Variants in ZNF532 observed in about 807,000 individuals in gnomAD.
ZNF532 encodes the protein zinc finger protein 532.
A neutral mutation model predicts 89.3 loss-of-function variants in ZNF532; 22 were observed. That is an observed-to-expected ratio of 0.25 (90% CI 0.18 to 0.35). ZNF532 has a LOEUF of 0.35. Among genes scored for constraint, ZNF532 ranks in the 10% least tolerant of loss-of-function variants. ZNF532 has a pLI of 1.00. For missense variants in ZNF532, 1,132 were observed against 1,643.4 expected (o/e 0.69, Z 5.38); for synonymous variants, 606 against 649.6 (o/e 0.93, Z 1.02).
chr18:58,917,068 C>T (rs917042071), intron 2 of ZNF532, among the ~76,000 whole-genome samples: 1 of 152,198 alleles, frequency 6.6e-6, no homozygotes, highest in Non-Finnish European at 1.5e-5. Context: ...AGCTGCTACC[C>T]TCTTCCCTTC....
intron 5 of ZNF532, among the ~76,000 whole-genome samples, chr18:58,940,798 T>C (rs1428013117): frequency 1.3e-5 from 2 of 152,122 alleles, no homozygotes; most frequent in South Asian, 2.1e-4. Flanking sequence ...GGATTAGTTA[T>C]CGCAACATAG....
chr18:58,874,770 CT>C (rs1230334577), intron 2 of ZNF532, among the ~76,000 whole-genome samples: 2 of 152,126 alleles, frequency 1.3e-5, no homozygotes, highest in Non-Finnish European at 2.9e-5. Flanking sequence ...CAAAACAAAA[CT>C]TGATGGTGAA....
chr18:58,971,078 G>A (rs890113697), intron 7 of ZNF532, among the ~76,000 whole-genome samples: 1 of 152,178 alleles, frequency 6.6e-6, no homozygotes, highest in African/African-American at 2.4e-5. Flanking sequence ...TACTTTTTCA[G>A]TTGTACAGTG....
intron 7 of ZNF532, among the ~76,000 whole-genome samples, chr18:58,954,926 G>A (rs2064611686): frequency 6.6e-6 from 1 of 152,058 alleles, no homozygotes; most frequent in Non-Finnish European, 1.5e-5. Context: ...GGTTGGCCAG[G>A]CTGGTCTCGA....
chr18:58,957,111 T>A (rs2147112607), intron 7 of ZNF532, among the ~76,000 whole-genome samples: 1 of 152,318 alleles, frequency 6.6e-6, no homozygotes, highest in South Asian at 2.1e-4. Flanking sequence ...TGTCCTGTGT[T>A]GTAAATACCT....
chr18:58,909,807 G>A (rs2060171406), intron 2 of ZNF532, among the ~76,000 whole-genome samples: 1 of 152,188 alleles, frequency 6.6e-6, no homozygotes, highest in Non-Finnish European at 1.5e-5. Context: ...CACTCAGGGA[G>A]GCGCTATGGC....
At position 58,981,621 on chromosome 18, in the gene ZNF532, T is replaced by TAACA. The variant is rs1393134711; in HGVS notation, c.3411+5_3411+8dup. ...AGAAATAAAAGAAGACACTAAGGTC[T>TAACA]AACATTGCAGATGTTTGCTTTACAG... On this transcript the variant is annotated splice_donor_region_variant and intron_variant, in intron 9 of 9. Coordinates refer to ENST00000591808, the MANE Select transcript of ZNF532 (RefSeq NM_001375912.1). 6.2e-7 allele frequency: 1 copy of TAACA among 1,613,910 alleles called. No individual in the cohort carries two copies. Among genetic ancestry groups the TAACA allele is most frequent in the African/African-American group, 1.3e-5 (1 of 74,948 alleles).
upstream of ZNF532, chr18:58,864,667 G>A: frequency 6.6e-6 from 1 of 152,454 alleles, no homozygotes. Context: ...CGTGGGGTGG[G>A]GGGACACACG....
chr18:58,885,152 C>G (rs565218869), intron 2 of ZNF532, among the ~76,000 whole-genome samples: 1 of 152,032 alleles, frequency 6.6e-6, no homozygotes, highest in Non-Finnish European at 1.5e-5. Context: ...CCACGCCTGG[C>G]TAATTTTTAT....
rs2067759593 is a variant in ZNF532 at position 58,981,465 on chromosome 18, C to T, written c.3264-5C>T. The T allele has an allele frequency of 6.2e-7, 1 of 1,611,568 alleles. No individual in the cohort carries two copies. Among genetic ancestry groups the T allele is most frequent in the African/African-American group, 1.3e-5 (1 of 74,920 alleles). ...TGCGTTATCTCCTTGCCTTTCACCC[C>T]ACAGGCACTGCCCAGACTCCAGACG... On this transcript the variant is annotated splice_polypyrimidine_tract_variant and splice_region_variant and intron_variant, in intron 8 of 9. Coordinates refer to ENST00000591808, the MANE Select transcript of ZNF532 (RefSeq NM_001375912.1).
chr18:58,960,742 T>C (rs1168915995), intron 7 of ZNF532, among the ~76,000 whole-genome samples: 3 of 152,148 alleles, frequency 2.0e-5, no homozygotes, highest in African/African-American at 7.2e-5. Flanking sequence ...GGGTGAAATA[T>C]TGCATGGATA....
intron 3 of ZNF532, among the ~76,000 whole-genome samples, chr18:58,928,226 C>T (rs2061682480): frequency 6.6e-6 from 1 of 152,184 alleles, no homozygotes; most frequent in Admixed American, 6.5e-5. Flanking sequence ...CCTCTCACCA[C>T]CTCCCCTTAC....
chr18:58,939,259 A>AC (rs1185016735), intron 4 of ZNF532, among the ~76,000 whole-genome samples, 186 bp from the exon 5 acceptor site: 1 of 148,474 alleles, frequency 6.7e-6, no homozygotes, highest in Non-Finnish European at 1.5e-5. Flanking sequence ...AAAAAAAAAA[A>AC]AAAAAAAAAA....
chr18:58,940,960 T>A lies in ZNF532; in HGVS notation c.2705+1339T>A, dbSNP rs62095482. On this transcript the variant is annotated intron_variant, in intron 5 of 9. Coordinates refer to ENST00000591808, the MANE Select transcript of ZNF532 (RefSeq NM_001375912.1). Reference sequence around the variant, plus strand: ...CACACACACACACACACACACACACTCTTTCTCTCTCTCTCTCTCTCTCTC... The same window carrying A: ...CACACACACACACACACACACACACACTTTCTCTCTCTCTCTCTCTCTCTC... Among the ~76,000 whole-genome samples, 230 of 45,530 alleles carry A rather than the reference T, an allele frequency of 5.1e-3. 1 individual carries two copies. The highest frequency in any genetic ancestry group is 0.013 in the East Asian group (24 of 1,848). 29.9% of individuals were successfully genotyped at this position (45,530 alleles called of 152,430 possible). A position where few individuals can be genotyped will look rare whatever the true frequency, so the allele number is the denominator to read the frequency against.
intron 3 of ZNF532, among the ~76,000 whole-genome samples, chr18:58,921,419 TA>T (rs1186278677): frequency 2.6e-5 from 4 of 152,240 alleles, no homozygotes; most frequent in Non-Finnish European, 5.9e-5. Context: ...ATGCTGATCT[TA>T]CTTTTACAGT....
chr18:58,946,359 C>T (rs2063661651), intron 5 of ZNF532, among the ~76,000 whole-genome samples: 1 of 144,820 alleles, frequency 6.9e-6, no homozygotes, highest in Non-Finnish European at 1.5e-5. Context: ...GTGGCGTGAT[C>T]TCAGCTCACT....
At chr18:58,971,611 G>A (rs577484211) in intron 7 of ZNF532, among the ~76,000 whole-genome samples, 18 of 152,260 alleles carry the variant, frequency 1.2e-4, no homozygotes, top group African/African-American at 3.9e-4. Context: ...AAAGTTGGTC[G>A]ACTGTTTTAC....
intron 2 of ZNF532, among the ~76,000 whole-genome samples, chr18:58,883,489 T>C (rs1374389002): frequency 6.6e-6 from 1 of 152,102 alleles, no homozygotes; most frequent in African/African-American, 2.4e-5. Flanking sequence ...AGGGTCAGGG[T>C]CGGCTGGAAC....
intron 5 of ZNF532, among the ~76,000 whole-genome samples, chr18:58,944,984 G>GC (rs34545158): frequency 6.6e-6 from 1 of 152,114 alleles, no homozygotes; most frequent in Admixed American, 6.5e-5. Context: ...CCTCCGTGCA[G>GC]CCCCCCAGTC....
Sources: allele counts gnomAD v4.1 joint callset (sites outside exome capture counted in the v4.1 genomes callset), GRCh38; gene constraint gnomAD v4.1.1; transcripts MANE v1.5; gene names NCBI Gene and HGNC (gene_info 2026-07-23, HGNC 2026-07-21).